ZEB2: variants seen among roughly 807,000 people sequenced by gnomAD.
ZEB2 encodes the protein zinc finger E-box-binding homeobox 2.
ZEB2 carries 6 observed loss-of-function variants against 99.9 expected under a neutral mutation model. The observed-to-expected ratio is 0.06, with a 90% CI of 0.03 to 0.12. The LOEUF is 0.12. ZEB2 is among the 10% of genes least tolerant of loss of function. The pLI, the probability that ZEB2 is intolerant of heterozygous loss-of-function variation, is 1.00. For missense variants in ZEB2, 969 were observed against 1,502.8 expected (o/e 0.64, Z 5.87); for synonymous variants, 517 against 542.5 (o/e 0.95, Z 0.65).
In ZEB2 at chr2:144,429,986, T is replaced by C; in HGVS notation, c.114A>G (p.Thr38=). The C allele has an allele frequency of 6.2e-7, 1 of 1,613,902 alleles. No individual in the cohort carries two copies. Among genetic ancestry groups the C allele is most frequent in the South Asian group, 1.1e-5 (1 of 91,080 alleles). The change falls in exon 3 of 10, where the codon ACA becomes ACG. Residue 38 remains threonine (T), a synonymous_variant. Transcript: ENST00000627532. The part of the protein sequence containing the change: ...YDNVVDTGSE[T]DEEDKLHIAE... ...CAATATGAAGCTTGTCTTCCTCATCTGTTTCAGAACCTGTGTCCACTACAT... is the reference window on the plus strand; with the variant it reads ...CAATATGAAGCTTGTCTTCCTCATCCGTTTCAGAACCTGTGTCCACTACAT...
Position 144,385,805 on chromosome 2 carries a change from AT to A in ZEB2, c.*3645del, listed in dbSNP as rs1479355939. The stretch of plus-strand genomic sequence containing the variant: ...ATTTGCTTTTATTAAGGCTTACATT[AT>A]TAGAAAGATAAAAAATGACCTTTTT... On this transcript the variant is annotated 3_prime_UTR_variant, in exon 10 of 10. Coordinates refer to ENST00000627532, the MANE Select transcript of ZEB2 (RefSeq NM_014795.4). 2 of 152,198 alleles carry A rather than the reference AT, an allele frequency of 1.3e-5. No homozygotes were observed. The highest frequency in any genetic ancestry group is 2.9e-5 in the Non-Finnish European group (2 of 68,014). 9.4% of individuals were successfully genotyped at this position (152,198 alleles called of 1,614,324 possible).
chr2:144,406,804 T>A (rs1370583802), intron 4 of ZEB2, among the ~76,000 whole-genome samples: 3 of 152,180 alleles, frequency 2.0e-5, no homozygotes, highest in African/African-American at 7.2e-5. Flanking sequence ...GGCTATAGTA[T>A]GATAGGGATT....
chr2:144,466,264 T>C (rs1203782092), intron 2 of ZEB2, among the ~76,000 whole-genome samples: 2 of 152,234 alleles, frequency 1.3e-5, no homozygotes, highest in Admixed American at 6.5e-5. Context: ...TCGTGCATAC[T>C]GTTTCTTCAT....
In ZEB2 at chr2:144,447,693, G is replaced by A. The variant is rs899099845; in HGVS notation, c.74-17667C>T. Among the ~76,000 whole-genome samples, 40 of 152,180 alleles carry A rather than the reference G, an allele frequency of 2.6e-4. 1 individual carries two copies. The highest frequency in any genetic ancestry group is 2.4e-3 in the Admixed American group (37 of 15,286). ...TTTGAAGCATGATGGTCCCTAACTC[G>A]TAGCTGAGTAAGGGACTGCAGCTTC... On this transcript the variant is annotated intron_variant, in intron 2 of 9. Transcript: ENST00000627532.
chr2:144,506,051 G>A (rs966887716), intron 2 of ZEB2, among the ~76,000 whole-genome samples: 3 of 152,202 alleles, frequency 2.0e-5, no homozygotes, highest in Non-Finnish European at 4.4e-5. Flanking sequence ...AAAGCAGAAA[G>A]CTAGTAATTT....
intron 4 of ZEB2, among the ~76,000 whole-genome samples, chr2:144,406,183 T>C (rs902463894): frequency 5.9e-5 from 9 of 152,200 alleles, no homozygotes; most frequent in Non-Finnish European, 1.2e-4. Flanking sequence ...TTTTTTGCTT[T>C]CATGATTATG....
In ZEB2 at chr2:144,411,426, C is replaced by T. The variant is rs960478404; in HGVS notation, c.404-6402G>A. 7.2e-5 allele frequency among the ~76,000 whole-genome samples: 11 copies of T among 152,098 alleles called. 1 individual carries two copies. The highest frequency in any genetic ancestry group is 2.0e-4 in the Admixed American group (3 of 15,268). ...TGTTGAGGTCTATAGATTCTCATGG[C>T]TACTTTGTTTAAAGTTGACTAATTA... On this transcript the variant is annotated intron_variant, in intron 4 of 9. Transcript: ENST00000627532.
intron 2 of ZEB2, among the ~76,000 whole-genome samples, chr2:144,498,015 ATATTATATATTATATAATAT>A (rs1704803522): frequency 4.0e-5 from 1 of 25,170 alleles, no homozygotes; most frequent in Non-Finnish European, 7.9e-5. Context: ...TAATATATTA[ATATTATATATTATATAATAT>A]ATATTAATAT....
Position 144,396,406 on chromosome 2 carries a change from T to A in ZEB2, c.3067+6A>T, listed in dbSNP as rs143450927. On this transcript the variant is annotated splice_donor_region_variant and intron_variant, in intron 9 of 9. Coordinates refer to ENST00000627532, the MANE Select transcript of ZEB2 (RefSeq NM_014795.4). ...GCTCTAACCAGTTAGGCAAAGTCAC[T>A]CATACCTGTGTGTTCGTATTTATGT... is the stretch of plus-strand genomic sequence containing the variant. The A allele has an allele frequency of 4.5e-3, 7,252 of 1,612,920 alleles. 314 individuals are homozygous for A. The Admixed American group carries it at 0.086, about 19-fold the overall frequency.
chr2:144,389,224 G>A lies in ZEB2; in HGVS notation c.*227C>T, dbSNP rs1703121090. The A allele has an allele frequency of 1.7e-6, 1 of 605,346 alleles. No individual in the cohort carries two copies. The highest frequency in any genetic ancestry group is 2.9e-6 in the Non-Finnish European group (1 of 342,228). The allele number at this position is 605,346 out of a possible 1,614,324, so 37.5% of individuals were successfully genotyped here. Reference sequence around the variant, plus strand: ...CAGGAATTAGTCTCTGAACCACACAGTTTTTAGGCCTTAACACTGTACAAA... The same window carrying A: ...CAGGAATTAGTCTCTGAACCACACAATTTTTAGGCCTTAACACTGTACAAA... On this transcript the variant is annotated 3_prime_UTR_variant, in exon 10 of 10. Transcript: ENST00000627532. This position sits in a 1 kb window ranked among gnomAD's most constrained non-coding sequence, Gnocchi z 6.8.
chr2:144,437,152 A>C (rs948470624), intron 2 of ZEB2, among the ~76,000 whole-genome samples: 11 of 152,244 alleles, frequency 7.2e-5, no homozygotes, highest in Admixed American at 5.9e-4. Flanking sequence ...TTTCAGCTTC[A>C]CTTTCTGTCA....
intron 2 of ZEB2, among the ~76,000 whole-genome samples, chr2:144,452,431 G>A (rs1247552624): frequency 6.6e-6 from 1 of 152,144 alleles, no homozygotes; most frequent in East Asian, 1.9e-4. Flanking sequence ...TAGTGATGCA[G>A]CACAGATATT....
chr2:144,441,904 C>A (rs762389517), intron 2 of ZEB2, among the ~76,000 whole-genome samples: 3 of 152,242 alleles, frequency 2.0e-5, no homozygotes, highest in Non-Finnish European at 2.9e-5. Flanking sequence ...TAATACTGCA[C>A]AAAATGATAC....
chr2:144,427,681 A>G lies in ZEB2; in HGVS notation c.331+2088T>C, dbSNP rs1476653736. ...CACCACATCAGAGCACTTTTAGAAC[A>G]ATAAAAAAAAAGAACAATAAATCAT... On this transcript the variant is annotated intron_variant, in intron 3 of 9. Coordinates refer to ENST00000627532, the MANE Select transcript of ZEB2 (RefSeq NM_014795.4). 4 of 152,332 alleles carry G rather than the reference A, an allele frequency of 2.6e-5. No individual in the cohort carries two copies. In the South Asian group the frequency reaches 6.2e-4, roughly 24 times the overall value. The allele number at this position is 152,332 out of a possible 1,614,324, so 9.4% of individuals were successfully genotyped here.
chr2:144,442,144 C>T (rs1703926241), intron 2 of ZEB2, among the ~76,000 whole-genome samples: 1 of 152,110 alleles, frequency 6.6e-6, no homozygotes, highest in South Asian at 2.1e-4. Flanking sequence ...GAGGTGAAGA[C>T]CTGAATATGG....
chr2:144,422,525 C>T (rs1211279966), intron 4 of ZEB2, among the ~76,000 whole-genome samples: 6 of 152,210 alleles, frequency 3.9e-5, no homozygotes, highest in African/African-American at 7.2e-5. Flanking sequence ...ATAGGCCAGG[C>T]GCAGTGGCAC....
At chr2:144,445,184 A>C (rs1467911482) in intron 2 of ZEB2, 2 of 151,960 alleles carry the variant, frequency 1.3e-5, no homozygotes, top group Non-Finnish European at 1.5e-5. Context: ...TTATACTTTC[A>C]TATGTAAAGG....
chr2:144,466,235 A>G (rs1704270676), intron 2 of ZEB2, among the ~76,000 whole-genome samples: 1 of 152,196 alleles, frequency 6.6e-6, no homozygotes, highest in African/African-American at 2.4e-5. Context: ...AGATTATGGA[A>G]TTATCTGAAA....
chr2:144,417,830 C>G (rs1357038343), intron 4 of ZEB2, among the ~76,000 whole-genome samples: 2 of 152,006 alleles, frequency 1.3e-5, no homozygotes, highest in Non-Finnish European at 2.9e-5. Flanking sequence ...CGGGGGTTCT[C>G]GAATGTCCTT....
Sources: allele counts gnomAD v4.1 joint callset (sites outside exome capture counted in the v4.1 genomes callset), GRCh38; gene constraint gnomAD v4.1.1; non-coding constraint Gnocchi (gnomAD v3.1); transcripts MANE v1.5; gene names NCBI Gene and HGNC (gene_info 2026-07-23, HGNC 2026-07-21).